LVRN: variants seen among roughly 807,000 people sequenced by gnomAD.
LVRN encodes aminopeptidase Q.
LVRN carries 99 observed loss-of-function variants against 111.4 expected under a neutral mutation model. The ratio of observed to expected loss-of-function variants is 0.89; its 90% CI spans 0.76 to 1.05. The LOEUF is 1.05. LVRN is among the 50% of genes least tolerant of loss of function. The pLI is 0.00. For synonymous variants in LVRN, 488 were observed against 449.5 expected (o/e 1.09, Z -1.08); for missense variants, 1,414 against 1,206.8 (o/e 1.17, Z -2.54).
intron 7 of LVRN, among the ~76,000 whole-genome samples, chr5:116,000,118 A>G (rs922441885): frequency 1.3e-5 from 2 of 152,242 alleles, no homozygotes; most frequent in African/African-American, 4.8e-5. Context: ...CATCAACCAT[A>G]GACTTTAACA....
In LVRN at chr5:115,989,945, G is replaced by A. The variant is rs141110990; in HGVS notation, c.1105+2006G>A. Among the ~76,000 whole-genome samples, 398 of 152,224 alleles carry A rather than the reference G, an allele frequency of 2.6e-3. 1 individual carries two copies. Among genetic ancestry groups the A allele is most frequent in the African/African-American group, 9.0e-3 (374 of 41,538 alleles). On this transcript the variant is annotated intron_variant, in intron 4 of 19. Coordinates refer to ENST00000357872, the MANE Select transcript of LVRN (RefSeq NM_173800.5). ...AACAAAACAAATGCCTCCCCTACCA[G>A]CATTTCCCACATATGCCATACTCTT...
intron 1 of LVRN, among the ~76,000 whole-genome samples, chr5:115,977,676 C>T (rs556075999): frequency 1.3e-5 from 2 of 152,274 alleles, no homozygotes; most frequent in South Asian, 4.1e-4. Flanking sequence ...GGACCCCAGG[C>T]TTGGGACCTG....
At chr5:115,990,849 C>T (rs558649891) in intron 4 of LVRN, among the ~76,000 whole-genome samples, 9 of 152,152 alleles carry the variant, frequency 5.9e-5, no homozygotes, top group South Asian at 2.1e-4. Context: ...TGAGATTACG[C>T]GCATAAGCCA....
At chr5:115,993,288 T>C (rs994694184) in intron 5 of LVRN, among the ~76,000 whole-genome samples, 3 of 152,058 alleles carry the variant, frequency 2.0e-5, no homozygotes, top group Non-Finnish European at 4.4e-5. Context: ...GATTTGTACA[T>C]GGCACAGATC....
intron 7 of LVRN, 52 bp from the exon 8 acceptor site, chr5:116,000,381 G>C: frequency 1.9e-6 from 3 of 1,579,314 alleles, no homozygotes; most frequent in Non-Finnish European, 2.6e-6. Context: ...GAATGTGTCA[G>C]TATGTGGATA....
intron 6 of LVRN, among the ~76,000 whole-genome samples, chr5:115,998,409 A>G (rs773423062): frequency 6.6e-6 from 1 of 152,226 alleles, no homozygotes; most frequent in African/African-American, 2.4e-5. Context: ...TAAATGAGCA[A>G]GATAAAAAGT....
chr5:115,968,942 C>T (rs938764727), intron 1 of LVRN, among the ~76,000 whole-genome samples: 2 of 152,116 alleles, frequency 1.3e-5, no homozygotes, highest in Non-Finnish European at 2.9e-5. Flanking sequence ...GAATTGCAGC[C>T]GGGCTCAGAG....
At chr5:115,981,004 T>C (rs1338922139) in intron 1 of LVRN, among the ~76,000 whole-genome samples, 1 of 152,136 alleles carries the variant, frequency 6.6e-6, no homozygotes, top group Non-Finnish European at 1.5e-5. Flanking sequence ...ATTTAAGTGG[T>C]ATATTAAGCA....
At chr5:115,964,536 G>A (rs1386923043) in intron 1 of LVRN, among the ~76,000 whole-genome samples, 1 of 152,006 alleles carries the variant, frequency 6.6e-6, no homozygotes, top group Non-Finnish European at 1.5e-5. Flanking sequence ...TGAAATTACT[G>A]TGTAGGTCAG....
chr5:116,006,109 A>G (rs1241137768), intron 13 of LVRN, 142 bp downstream of exon 13: 1 of 607,918 alleles, frequency 1.6e-6, no homozygotes. Context: ...TGTAGCTGCA[A>G]TGGAATTTTA....
chr5:115,983,715 A>G (rs908994368), intron 2 of LVRN, among the ~76,000 whole-genome samples: 1 of 152,206 alleles, frequency 6.6e-6, no homozygotes, highest in Non-Finnish European at 1.5e-5. Flanking sequence ...AGTGATAACA[A>G]GCTGGTGGGC....
chr5:115,984,494 T>A, intron 2 of LVRN, 76 bp from the exon 3 acceptor site: 1 of 1,531,776 alleles, frequency 6.5e-7, no homozygotes, highest in Non-Finnish European at 8.9e-7. Context: ...TGGGTGACAA[T>A]TGACTTGACA....
chr5:115,968,824 T>A (rs10463449), intron 1 of LVRN, among the ~76,000 whole-genome samples: 57,350 of 152,006 alleles, frequency 0.38, 11,384 homozygotes, highest in East Asian at 0.52. Context: ...AATGGGCAAG[T>A]GTGACTGAGA....
chr5:116,002,679 T>C (rs754126136), intron 10 of LVRN, among the ~76,000 whole-genome samples, 156 bp from the exon 11 acceptor site: 1 of 152,078 alleles, frequency 6.6e-6, no homozygotes, highest in Non-Finnish European at 1.5e-5. Context: ...GTAAAAACAG[T>C]GGTGAGTAAT....
chr5:115,977,103 T>C (rs954994364), intron 1 of LVRN, among the ~76,000 whole-genome samples: 2 of 152,216 alleles, frequency 1.3e-5, no homozygotes, highest in Admixed American at 6.5e-5. Flanking sequence ...GTACTTATTC[T>C]TTCCCCAGCA....
intron 1 of LVRN, among the ~76,000 whole-genome samples, chr5:115,979,916 T>C (rs1753526614): frequency 6.6e-6 from 1 of 152,106 alleles, no homozygotes; most frequent in South Asian, 2.1e-4. Context: ...GTGGATGTAG[T>C]AGATTTTTGT....
In LVRN at chr5:115,962,614, T is replaced by C. The variant is rs201363777; in HGVS notation, c.-4T>C. The C allele has an allele frequency of 0.019, 30,712 of 1,590,648 alleles. 393 individuals carry two copies. Among genetic ancestry groups the C allele is most frequent in the Non-Finnish European group, 0.023 (26,944 of 1,170,188 alleles). On this transcript the variant is annotated 5_prime_UTR_variant, in exon 1 of 20. Coordinates refer to ENST00000357872, the MANE Select transcript of LVRN (RefSeq NM_173800.5). ...CAGCCTCGCGCCTGAACCCGGTCCC[T>C]GCCATGGGGCCCCCTTCCAGCTCAG...
At chr5:115,963,636 C>T (rs972459136) in intron 1 of LVRN, among the ~76,000 whole-genome samples, 21 of 152,252 alleles carry the variant, frequency 1.4e-4, no homozygotes, top group South Asian at 2.1e-4. Flanking sequence ...CATGTTCTCA[C>T]CCATAGGTAG....
chr5:115,995,153 G>T (rs1748078878), intron 6 of LVRN, among the ~76,000 whole-genome samples: 1 of 152,154 alleles, frequency 6.6e-6, no homozygotes, highest in Non-Finnish European at 1.5e-5. Context: ...GAGATTCTAA[G>T]ATGATATTCG....
Sources: gnomAD v4.1 joint callset for allele counts (sites outside exome capture counted in the v4.1 genomes callset) on GRCh38, gnomAD v4.1.1 for gene constraint, MANE v1.5 for transcripts, NCBI Gene and HGNC (gene_info 2026-07-23, HGNC 2026-07-21) for gene names.